The following TPMT variants were observed in gnomAD, a reference collection of about 807,000 sequenced individuals.
The protein encoded by TPMT is thiopurine S-methyltransferase, also known as S-adenosyl-L-methionine:thiopurine S-methyltransferase.
Under a neutral mutation model 34.2 loss-of-function variants are expected in TPMT, and 18 were observed. The ratio of observed to expected loss-of-function variants is 0.53; its 90% CI spans 0.36 to 0.78. The LOEUF (loss-of-function observed/expected upper bound fraction) is 0.78, where lower values mean the gene tolerates loss of function less well. Among genes scored for constraint, TPMT ranks in the 30% least tolerant of loss-of-function variants. The pLI, the probability that TPMT is intolerant of heterozygous loss-of-function variation, is 0.00. For missense variants in TPMT, 265 were observed against 288.1 expected (o/e 0.92, Z 0.58); for synonymous variants, 69 against 92.4 (o/e 0.75, Z 1.45).
At position 18,133,930 on chromosome 6, in the gene TPMT, A is replaced by G. The variant is rs1783994775; in HGVS notation, c.495-41T>C. ...GAAGGTATTTGTTACATTTCTCTAC[A>G]CAGGCAAAGGCTGGAGGGACAAAAG... On this transcript the variant is annotated intron_variant, in intron 6 of 8. Transcript: ENST00000309983. 4 of 1,550,716 alleles carry G rather than the reference A, an allele frequency of 2.6e-6. No individual in the cohort carries two copies. In the East Asian group the frequency reaches 6.7e-5, roughly 26 times the overall value.
In TPMT at chr6:18,132,233, T is replaced by C. The variant is rs566796853; in HGVS notation, c.581-56A>G. The C allele has an allele frequency of 1.1e-5, 17 of 1,532,610 alleles. No individual in the cohort carries two copies. The South Asian group carries it at 1.9e-4, about 17-fold the overall frequency. The allele number at this position is 1,532,610 out of a possible 1,614,324, so 94.9% of individuals were successfully genotyped here. On this transcript the variant is annotated intron_variant, in intron 7 of 8. Transcript: ENST00000309983. This position sits in a 1 kb window ranked among gnomAD's most constrained non-coding sequence, Gnocchi z 4.8. ...ATTTCCAATGACGTAGGTGTACTTG[T>C]TCTACATACAACTTCATTATCCAAA...
Position 18,139,764 on chromosome 6 carries a change from G to A in TPMT, c.367-47C>T. The A allele has an allele frequency of 7.4e-7, 1 of 1,355,700 alleles. No individual in the cohort carries two copies. The highest frequency in any genetic ancestry group is 1.0e-6 in the Non-Finnish European group (1 of 960,662). 84.0% of individuals were successfully genotyped at this position (1,355,700 alleles called of 1,614,324 possible). ...AAAATTTTTTTTTTTTACTTAGTAA[G>A]TACTTGAATAGTCAAGGAAAGAGGG... On this transcript the variant is annotated intron_variant, in intron 4 of 8. Coordinates refer to ENST00000309983, the MANE Select transcript of TPMT (RefSeq NM_000367.5). This position sits in a 1 kb window ranked among gnomAD's most constrained non-coding sequence, Gnocchi z 4.2.
At chr6:18,155,152 TCCGCCCGCGCCCCGCC>T (rs1784476931), upstream of TPMT, 5 of 33,124 alleles carry the variant, frequency 1.5e-4, no homozygotes, top group African/African-American at 5.5e-4. The surrounding 1 kb of genome is among the most constrained non-coding windows in gnomAD (Gnocchi z 6.2). Flanking sequence ...GCGCCCCGCC[TCCGCCCGCGCCCCGCC>T]TCCGCCCGCG....
Position 18,147,932 on chromosome 6 carries a change from A to G in TPMT, c.141-17T>C. ...TTTAATAGCCTGAAGAGGAAAAAAA[A>G]AAAGGTTTTAGGACAATTGTATGGT... On this transcript the variant is annotated splice_polypyrimidine_tract_variant and intron_variant, in intron 2 of 8. Coordinates refer to ENST00000309983, the MANE Select transcript of TPMT (RefSeq NM_000367.5). 2 of 1,607,574 alleles carry G rather than the reference A, an allele frequency of 1.2e-6. No individual in the cohort carries two copies. Among genetic ancestry groups the G allele is most frequent in the South Asian group, 2.2e-5 (2 of 90,622 alleles).
rs1783919361 is a variant in TPMT, at chr6:18,130,426, A to C, written c.*242T>G. ...CTTGCAATCTGCAAGACACATAGGC[A>C]TAATCTTTCACATCATAATCTCCTC... On this transcript the variant is annotated 3_prime_UTR_variant, in exon 9 of 9. Transcript: ENST00000309983. This position sits in a 1 kb window ranked among gnomAD's most constrained non-coding sequence, Gnocchi z 4.2. 6.5e-6 allele frequency: 3 copies of C among 460,800 alleles called. No individual in the cohort carries two copies. The highest frequency in any genetic ancestry group is 1.2e-5 in the Non-Finnish European group (3 of 254,158). 28.5% of individuals were successfully genotyped at this position (460,800 alleles called of 1,614,324 possible).
At chr6:18,147,275 G>A (rs1348983273) in intron 3 of TPMT, among the ~76,000 whole-genome samples, 1 of 152,154 alleles carries the variant, frequency 6.6e-6, no homozygotes, top group Admixed American at 6.6e-5. Flanking sequence ...AGTAAAAGTG[G>A]CTTGTTAAAG....
At chr6:18,151,712 C>T (rs372479593) in intron 1 of TPMT, among the ~76,000 whole-genome samples, 14 of 152,008 alleles carry the variant, frequency 9.2e-5, no homozygotes, top group African/African-American at 3.4e-4. Flanking sequence ...CCCGCCTCAG[C>T]CTTTAAAGTA....
chr6:18,136,082 G>C lies in TPMT; in HGVS notation c.495-2193C>G, dbSNP rs1353367342. On this transcript the variant is annotated intron_variant, in intron 6 of 8. Coordinates refer to ENST00000309983, the MANE Select transcript of TPMT (RefSeq NM_000367.5). This position sits in a 1 kb window ranked among gnomAD's most constrained non-coding sequence, Gnocchi z 4.7. ...AAAGTGCTGGGTCCGCTCTTGGTCT[G>C]CACGTGGTGACTTTTAGTTTGCTTC... Among the ~76,000 whole-genome samples, 1 of 152,172 alleles carries C rather than the reference G, an allele frequency of 6.6e-6. No individual in the cohort carries two copies. The highest frequency in any genetic ancestry group is 2.4e-5 in the African/African-American group (1 of 41,454).
rs1034493995 is a variant in TPMT, at chr6:18,152,018, A to G, written c.-44-2847T>C. ...ACCCTTTCCAGAGAATAAATCCCCAAAGCCTGCTGGTGTGGTGAGATGTAC... is the reference window on the plus strand; with the variant it reads ...ACCCTTTCCAGAGAATAAATCCCCAGAGCCTGCTGGTGTGGTGAGATGTAC... On this transcript the variant is annotated intron_variant, in intron 1 of 8. Coordinates refer to ENST00000309983, the MANE Select transcript of TPMT (RefSeq NM_000367.5). Among the ~76,000 whole-genome samples the G allele has an allele frequency of 1.1e-4, 17 of 152,212 alleles. No homozygotes were observed. The East Asian group carries it at 3.1e-3, about 28-fold the overall frequency.
Position 18,147,902 on chromosome 6 carries a change from G to C in TPMT, c.154C>G (p.His52Asp), listed in dbSNP as rs757971326. Reference protein sequence around the residue: ...QEQGHQLLKKHLDTFLKGKSG... With the variant: ...QEQGHQLLKKDLDTFLKGKSG... The stretch of plus-strand genomic sequence containing the variant: ...TTGCCTTTAAGGAAAGTATCTAAAT[G>C]CTTCTTTAATAGCCTGAAGAGGAAA... Residue 52 changes from histidine to aspartate, a missense_variant, in exon 3 of 9, where the codon CAT becomes GAT. By Grantham distance (81) the His-to-Asp change is moderately conservative. Transcript: ENST00000309983. 1.9e-6 allele frequency: 3 copies of C among 1,613,080 alleles called. No individual in the cohort carries two copies. The highest frequency in any genetic ancestry group is 2.5e-6 in the Non-Finnish European group (3 of 1,179,540).
rs1416431535 is a variant in TPMT, at chr6:18,153,613, A to G, written c.-45+1420T>C. Among the ~76,000 whole-genome samples the G allele has an allele frequency of 6.6e-6, 1 of 152,214 alleles. No homozygotes were observed. The highest frequency in any genetic ancestry group is 2.4e-5 in the African/African-American group (1 of 41,456). Reference sequence around the variant, plus strand: ...ACCTGGGAACATGAATTCACTTCTTAGCAAATATTTGTTGACAAATGGCTT... The same window carrying G: ...ACCTGGGAACATGAATTCACTTCTTGGCAAATATTTGTTGACAAATGGCTT... On this transcript the variant is annotated intron_variant, in intron 1 of 8. Transcript: ENST00000309983. The surrounding 1 kb of genome is among the most constrained non-coding windows in gnomAD (Gnocchi z 4.2).
At chr6:18,151,076 A>T (rs765693034) in intron 1 of TPMT, among the ~76,000 whole-genome samples, 1 of 150,972 alleles carries the variant, frequency 6.6e-6, no homozygotes, top group Non-Finnish European at 1.5e-5. Context: ...GAATCTTCTG[A>T]CCCGGTATGG....
chr6:18,150,068 AT>A lies in TPMT; in HGVS notation c.-44-898del, dbSNP rs1784323084. On this transcript the variant is annotated intron_variant, in intron 1 of 8. Coordinates refer to ENST00000309983, the MANE Select transcript of TPMT (RefSeq NM_000367.5). The surrounding 1 kb of genome is among the most constrained non-coding windows in gnomAD (Gnocchi z 5.3). Reference sequence around the variant, plus strand: ...ATATGTTGGGGGCTCAGTCCCTAAGATTTCCCTCCTCACTTAGACACCAGTT... The same window carrying A: ...ATATGTTGGGGGCTCAGTCCCTAAGATTCCCTCCTCACTTAGACACCAGTT... Among the ~76,000 whole-genome samples the A allele has an allele frequency of 6.6e-6, 1 of 152,072 alleles. No homozygotes were observed. The highest frequency in any genetic ancestry group is 1.9e-4 in the East Asian group (1 of 5,184).
In TPMT at chr6:18,129,202, G is replaced by C. The variant is rs1783887883; in HGVS notation, c.*1466C>G. The C allele has an allele frequency of 1.3e-5, 2 of 152,232 alleles. No individual in the cohort carries two copies. The highest frequency in any genetic ancestry group is 4.8e-5 in the African/African-American group (2 of 41,448). 9.4% of individuals were successfully genotyped at this position (152,232 alleles called of 1,614,324 possible). A position where few individuals can be genotyped will look rare whatever the true frequency, so the allele number is the denominator to read the frequency against. ...TTCTGAAGCCCACAGTATCGACTGG[G>C]AGCAGGTCTCAGAGAAGCAAGAATC... On this transcript the variant is annotated 3_prime_UTR_variant, in exon 9 of 9. Coordinates refer to ENST00000309983, the MANE Select transcript of TPMT (RefSeq NM_000367.5).
At position 18,154,103 on chromosome 6, in the gene TPMT, A is replaced by G. The variant is rs1463442345; in HGVS notation, c.-45+930T>C. Among the ~76,000 whole-genome samples, 1 of 152,128 alleles carries G rather than the reference A, an allele frequency of 6.6e-6. No homozygotes were observed. The highest frequency in any genetic ancestry group is 6.5e-5 in the Admixed American group (1 of 15,270). ...TGGCTAATTTTTAAATATTTTGTAG[A>G]GACAGGGTCTTGCTATGTTACCCAG... On this transcript the variant is annotated intron_variant, in intron 1 of 8. Coordinates refer to ENST00000309983, the MANE Select transcript of TPMT (RefSeq NM_000367.5). This position sits in a 1 kb window ranked among gnomAD's most constrained non-coding sequence, Gnocchi z 4.2.
rs777686348 is a variant in TPMT, at chr6:18,147,845, C to T, written c.211G>A (p.Gly71Arg). ...SGLRVFFPLC[G>R]KAVEMKWFAD... The stretch of plus-strand genomic sequence containing the variant: ...TACCATTTCATCTCAACCGCTTTTC[C>T]GCAAAGAGGAAAAAATACCCTCAGT... The change falls in exon 3 of 9, where the codon GGA becomes AGA. Residue 71 changes from glycine to arginine, a missense_variant. Physicochemically the swap from Gly to Arg is moderately radical, Grantham distance 125. Transcript: ENST00000309983. 29 of 1,613,490 alleles carry T rather than the reference C, an allele frequency of 1.8e-5. No individual in the cohort carries two copies. Among genetic ancestry groups the T allele is most frequent in the Middle Eastern group, 1.7e-4 (1 of 6,048 alleles).
At position 18,153,214 on chromosome 6, in the gene TPMT, G is replaced by T. The variant is rs1436094709; in HGVS notation, c.-45+1819C>A. ...TGCGGCTACACTTCTCAGCCAGTCA[G>T]AATGGCTGCTCTACAGTCTGAAACC... On this transcript the variant is annotated intron_variant, in intron 1 of 8. Transcript: ENST00000309983. The surrounding 1 kb of genome is among the most constrained non-coding windows in gnomAD (Gnocchi z 4.2). 1.3e-5 allele frequency among the ~76,000 whole-genome samples: 2 copies of T among 152,212 alleles called. No individual in the cohort carries two copies. Among genetic ancestry groups the T allele is most frequent in the East Asian group, 3.9e-4 (2 of 5,190 alleles).
At chr6:18,152,358 C>T (rs989950733) in intron 1 of TPMT, among the ~76,000 whole-genome samples, 7 of 152,078 alleles carry the variant, frequency 4.6e-5, no homozygotes, top group African/African-American at 1.4e-4. Context: ...AAAAAAAATT[C>T]TGTTATTTTC....
chr6:18,143,661 T>TA lies in TPMT; in HGVS notation c.300dup (p.Thr101TyrfsTer22). 1.2e-6 allele frequency: 2 copies of TA among 1,614,006 alleles called. No individual in the cohort carries two copies. The highest frequency in any genetic ancestry group is 1.7e-6 in the Non-Finnish European group (2 of 1,180,002). On this transcript the variant is annotated frameshift_variant, in exon 4 of 9. Transcript: ENST00000309983. LOFTEE classifies it high-confidence loss of function. The surrounding 1 kb of genome is among the most constrained non-coding windows in gnomAD (Gnocchi z 6.1). ...TCTGAGTAAGAAAGATTCTGCTCTGTAAAAAATTCTTGTATCCCAAGTTCA... is the reference window on the plus strand; with the variant it reads ...TCTGAGTAAGAAAGATTCTGCTCTGTAAAAAAATTCTTGTATCCCAAGTTCA...
Sources: allele counts gnomAD v4.1 joint callset (sites outside exome capture counted in the v4.1 genomes callset), GRCh38; gene constraint gnomAD v4.1.1; non-coding constraint Gnocchi (gnomAD v3.1); transcripts MANE v1.5; gene names NCBI Gene and HGNC (gene_info 2026-07-23, HGNC 2026-07-21).